Variants in ZC3H12C observed in about 807,000 individuals in gnomAD.
ZC3H12C encodes zinc finger CCCH-type containing 12C, also known as probable ribonuclease ZC3H12C.
Under a neutral mutation model 76.3 loss-of-function variants are expected in ZC3H12C, and 20 were observed. That is an observed-to-expected ratio of 0.26 (90% CI 0.18 to 0.38). The LOEUF is 0.38. Ranked by LOEUF, ZC3H12C falls within the 10% of genes least tolerant of loss-of-function variation. ZC3H12C has a pLI of 1.00. For missense variants in ZC3H12C, 874 were observed against 1,086.5 expected (o/e 0.80, Z 2.75); for synonymous variants, 352 against 399.6 (o/e 0.88, Z 1.42).
At chr11:110,149,517 A>G (rs909648341) in intron 2 of ZC3H12C, among the ~76,000 whole-genome samples, 1 of 152,134 alleles carries the variant, frequency 6.6e-6, no homozygotes, top group Non-Finnish European at 1.5e-5. Flanking sequence ...TTACACTCCC[A>G]CCTGTGATGT....
chr11:110,095,049 G>A (rs950146342), intron 1 of ZC3H12C, among the ~76,000 whole-genome samples: 2 of 152,048 alleles, frequency 1.3e-5, no homozygotes, highest in African/African-American at 4.8e-5. Context: ...GAAGTCTAAC[G>A]GAACTATTTT....
chr11:110,165,248 T>G lies in ZC3H12C; in HGVS notation c.2163T>G (p.Cys721Trp). The change falls in exon 6 of 6, where the codon TGT (cysteine) becomes TGG (tryptophan). Residue 721 changes from cysteine to tryptophan, a missense_variant. Cys to Trp is a radical substitution (Grantham distance 215, BLOSUM62 -2). Coordinates refer to ENST00000278590, the MANE Select transcript of ZC3H12C (RefSeq NM_033390.2). ...CCGCTGTGGGCGCCCGGTCCAGCTG[T>G]CCTGGCGACTACCCCTCTCCTCCAA... is the stretch of plus-strand genomic sequence containing the variant. ...PHSAVGARSS[C>W]PGDYPSPPSS... The G allele has an allele frequency of 6.2e-7, 1 of 1,613,990 alleles. No homozygotes were observed. Among genetic ancestry groups the G allele is most frequent in the East Asian group, 2.2e-5 (1 of 44,882 alleles).
chr11:110,109,394 T>G (rs1861389052), intron 1 of ZC3H12C, among the ~76,000 whole-genome samples: 1 of 152,152 alleles, frequency 6.6e-6, no homozygotes, highest in African/African-American at 2.4e-5. Context: ...GCATAAAGAT[T>G]TATGCAGAAA....
intron 1 of ZC3H12C, among the ~76,000 whole-genome samples, chr11:110,110,696 CT>C (rs1420949900): frequency 2.1e-5 from 2 of 96,344 alleles, no homozygotes; most frequent in African/African-American, 8.4e-5. Flanking sequence ...GTTTCCTACT[CT>C]TTAGTGTTCT....
chr11:110,167,404 G>T lies in ZC3H12C; in HGVS notation c.*1667G>T, dbSNP rs1862603246. 6.6e-6 allele frequency: 1 copy of T among 151,860 alleles called. No individual in the cohort carries two copies. The highest frequency in any genetic ancestry group is 2.4e-5 in the African/African-American group (1 of 41,320). 9.4% of individuals were successfully genotyped at this position (151,860 alleles called of 1,614,324 possible). On this transcript the variant is annotated 3_prime_UTR_variant, in exon 6 of 6. Coordinates refer to ENST00000278590, the MANE Select transcript of ZC3H12C (RefSeq NM_033390.2). ...ATACAAATTTTTAAAGTAAAATTGA[G>T]GTCTAGAATAGATTAGAAAATAAAA...
chr11:110,161,327 A>G (rs988807262), intron 4 of ZC3H12C, among the ~76,000 whole-genome samples: 11 of 152,208 alleles, frequency 7.2e-5, no homozygotes, highest in Non-Finnish European at 1.6e-4. Context: ...TATGCAGTCC[A>G]TTGTTGACCA....
chr11:110,124,265 C>G (rs557416713), intron 1 of ZC3H12C: 1 of 152,168 alleles, frequency 6.6e-6, no homozygotes, highest in Non-Finnish European at 1.5e-5. Flanking sequence ...CTCTGATAAA[C>G]CCACCCTGTC....
intron 1 of ZC3H12C, among the ~76,000 whole-genome samples, chr11:110,133,615 T>G: frequency 6.6e-6 from 1 of 152,302 alleles, no homozygotes; most frequent in South Asian, 2.1e-4. Context: ...TGTGTGCAAA[T>G]TACATAAATT....
chr11:110,095,868 G>A (rs1861104054), intron 1 of ZC3H12C, among the ~76,000 whole-genome samples: 1 of 152,176 alleles, frequency 6.6e-6, no homozygotes, highest in Non-Finnish European at 1.5e-5. Flanking sequence ...TTGGCAAATA[G>A]AGTTTTGGAG....
Position 110,153,187 on chromosome 11 carries a change from T to TTTG in ZC3H12C, c.913+141_913+143dup, listed in dbSNP as rs961938457. The TTTG allele has an allele frequency of 1.2e-5, 14 of 1,195,648 alleles. No individual in the cohort carries two copies. The African/African-American group carries it at 1.5e-4, about 13-fold the overall frequency. The allele number at this position is 1,195,648 out of a possible 1,614,324, so 74.1% of individuals were successfully genotyped here. A position where few individuals can be genotyped will look rare whatever the true frequency, so the allele number is the denominator to read the frequency against. ...AGGCAGTGGGACACAAACGTTGTTT[T>TTTG]TTGTTGTTGTTGTTTTCTGAGATAG... is the stretch of plus-strand genomic sequence containing the variant. On this transcript the variant is annotated intron_variant, in intron 3 of 5. Coordinates refer to ENST00000278590, the MANE Select transcript of ZC3H12C (RefSeq NM_033390.2).
chr11:110,128,941 A>G (rs1223119698), intron 1 of ZC3H12C, among the ~76,000 whole-genome samples: 1 of 151,206 alleles, frequency 6.6e-6, no homozygotes. Flanking sequence ...TTTCTGGGAC[A>G]TCCATTTGCT....
rs1862621481 is a variant in ZC3H12C, at chr11:110,168,629, CTG to C, written c.*2895_*2896del. 6.6e-6 allele frequency: 1 copy of C among 152,166 alleles called. No individual in the cohort carries two copies. The highest frequency in any genetic ancestry group is 1.5e-5 in the Non-Finnish European group (1 of 67,994). 9.4% of individuals were successfully genotyped at this position (152,166 alleles called of 1,614,324 possible). On this transcript the variant is annotated 3_prime_UTR_variant, in exon 6 of 6. Coordinates refer to ENST00000278590, the MANE Select transcript of ZC3H12C (RefSeq NM_033390.2). The stretch of plus-strand genomic sequence containing the variant: ...TTGCCCCTGAATAATTGACAGTTGA[CTG>C]TGCTTTACACAGTAACTAGCCAGTC...
At chr11:110,127,621 G>T (rs1183664866) in intron 1 of ZC3H12C, among the ~76,000 whole-genome samples, 1 of 152,102 alleles carries the variant, frequency 6.6e-6, no homozygotes. Context: ...TAGGCTGGGT[G>T]TGGTGGCTCA....
rs764133995 is a variant in ZC3H12C at position 110,159,305 on chromosome 11, G to A, written c.963G>A (p.Thr321=). ...AGAAGGAGAAAATCCTGGTGTTCAC[G>A]CCATCCCGGCGAGTCCAGGGGAGGA... is the stretch of plus-strand genomic sequence containing the variant. The part of the protein sequence containing the change: ...KLEKEKILVF[T]PSRRVQGRRV... Residue 321 remains threonine, a synonymous_variant, in exon 4 of 6, where the codon ACG becomes ACA. Transcript: ENST00000278590. 1.4e-5 allele frequency: 22 copies of A among 1,613,572 alleles called. No homozygotes were observed. Among genetic ancestry groups the A allele is most frequent in the Non-Finnish European group, 1.6e-5 (19 of 1,179,872 alleles).
At chr11:110,141,679 A>G (rs1862070133) in intron 2 of ZC3H12C, among the ~76,000 whole-genome samples, 1 of 152,214 alleles carries the variant, frequency 6.6e-6, no homozygotes, top group African/African-American at 2.4e-5. Context: ...ACAAAACTGT[A>G]TCAAAATTAC....
At chr11:110,117,896 TAC>T (rs373331743) in intron 1 of ZC3H12C, among the ~76,000 whole-genome samples, 7,221 of 111,818 alleles carry the variant, frequency 0.065, 2,681 homozygotes, top group African/African-American at 0.076. Context: ...ATTATATATA[TAC>T]ACACACACAT....
chr11:110,133,996 A>G (rs1444604310), intron 1 of ZC3H12C, among the ~76,000 whole-genome samples: 1 of 152,170 alleles, frequency 6.6e-6, no homozygotes, highest in African/African-American at 2.4e-5. Context: ...TCTGGTGTAA[A>G]AGAAAAACAA....
At chr11:110,101,498 T>G (rs1418891051) in intron 1 of ZC3H12C, among the ~76,000 whole-genome samples, 1 of 151,720 alleles carries the variant, frequency 6.6e-6, no homozygotes, top group African/African-American at 2.4e-5. Context: ...TTGAGTTCAG[T>G]GTTCGTCTAC....
In ZC3H12C at chr11:110,117,751, TTATATATACACACACACA is replaced by T. The variant is rs1173715383; in HGVS notation, c.22-18885_22-18868del. Among the ~76,000 whole-genome samples, 3 of 90,992 alleles carry T rather than the reference TTATATATACACACACACA, an allele frequency of 3.3e-5. 1 individual carries two copies. The highest frequency in any genetic ancestry group is 6.8e-5 in the Non-Finnish European group (3 of 44,414). 59.7% of individuals were successfully genotyped at this position (90,992 alleles called of 152,430 possible). A position where few individuals can be genotyped will look rare whatever the true frequency, so the allele number is the denominator to read the frequency against. ...ATATATATACACACACATATATATA[TTATATATACACACACACA>T]TATATATACACACACACATATATAT... On this transcript the variant is annotated intron_variant, in intron 1 of 5. Coordinates refer to ENST00000278590, the MANE Select transcript of ZC3H12C (RefSeq NM_033390.2).
Sources: allele counts gnomAD v4.1 joint callset (sites outside exome capture counted in the v4.1 genomes callset), GRCh38; gene constraint gnomAD v4.1.1; transcripts MANE v1.5; gene names NCBI Gene and HGNC (gene_info 2026-07-23, HGNC 2026-07-21).